Variants in C2orf66 observed in about 807,000 individuals in gnomAD.
The protein encoded by C2orf66 is uncharacterized protein C2orf66.
A neutral mutation model predicts 7.0 loss-of-function variants in C2orf66; 6 were observed. The observed-to-expected ratio is 0.86, with a 90% CI of 0.47 to 1.69. The LOEUF (loss-of-function observed/expected upper bound fraction) is 1.69, where lower values mean the gene tolerates loss of function less well. Among genes scored for constraint, C2orf66 ranks in the 40% most tolerant of loss-of-function variants. The pLI, the probability that C2orf66 is intolerant of heterozygous loss-of-function variation, is 0.01. For synonymous variants in C2orf66, 38 were observed against 43.8 expected, an observed-to-expected ratio of 0.87 and a Z score of 0.52; for missense variants, 107 against 112.0, an observed-to-expected ratio of 0.96 and a Z score of 0.20.
chr2:196,807,540 T>C lies in C2orf66; in HGVS notation c.206A>G (p.Asn69Ser), dbSNP rs1699831331. ...TGACTGGAAAGAGAGAGGTCTAGGA[T>C]TTTCATTCGTGGGGAAAGGATTTGG... ...TFPNPFPTNENPRPLSFQSEL... is the reference protein window; with the variant it reads ...TFPNPFPTNESPRPLSFQSEL... Residue 69 changes from asparagine to serine, a missense_variant, in exon 2 of 3, where the codon AAT becomes AGT. By Grantham distance (46) the Asn-to-Ser change is conservative. Coordinates refer to ENST00000342506, the MANE Select transcript of C2orf66 (RefSeq NM_213608.3). 1 of 1,613,622 alleles carries C rather than the reference T, an allele frequency of 6.2e-7. No individual in the cohort carries two copies. The highest frequency in any genetic ancestry group is 8.5e-7 in the Non-Finnish European group (1 of 1,179,818).
At chr2:196,812,337 G>T (rs1483654246), upstream of C2orf66, among the ~76,000 whole-genome samples, 1 of 152,100 alleles carries the variant, frequency 6.6e-6, no homozygotes, top group Non-Finnish European at 1.5e-5. Flanking sequence ...ACCACAACAT[G>T]ATTTGTCTCA....
At chr2:196,829,380 G>A in the C2orf66 span, among the ~76,000 whole-genome samples, 1 of 152,164 alleles carries the variant, frequency 6.6e-6, no homozygotes, top group African/African-American at 2.4e-5. Flanking sequence ...CCTGAGGTCA[G>A]GAGTTTGAGA....
chr2:196,823,487 G>C, the C2orf66 span, among the ~76,000 whole-genome samples: 2 of 151,826 alleles, frequency 1.3e-5, no homozygotes, highest in African/African-American at 2.4e-5. Flanking sequence ...AGCCAGGTGT[G>C]GGGGTGCATG....
upstream of C2orf66, chr2:196,810,013 A>G (rs1445023795): frequency 6.6e-6 from 1 of 152,248 alleles, no homozygotes. Flanking sequence ...AGTGGAAGTC[A>G]CTGACTTGAG....
intron 2 of C2orf66, among the ~76,000 whole-genome samples, chr2:196,805,972 G>C (rs1699815914): frequency 6.6e-6 from 1 of 152,066 alleles, no homozygotes; most frequent in African/African-American, 2.4e-5. Context: ...GTTCTTTTTA[G>C]AGTAGCAATC....
chr2:196,808,232 T>C (rs1414598662), intron 1 of C2orf66, among the ~76,000 whole-genome samples: 1 of 152,232 alleles, frequency 6.6e-6, no homozygotes, highest in Non-Finnish European at 1.5e-5. Context: ...CACCTAGGGC[T>C]GACAACATAT....
chr2:196,819,739 T>C, the C2orf66 span, among the ~76,000 whole-genome samples: 3 of 152,216 alleles, frequency 2.0e-5, no homozygotes, highest in Middle Eastern at 3.2e-3. Flanking sequence ...TCACAAATGT[T>C]TATGGAATTA....
the C2orf66 span, among the ~76,000 whole-genome samples, chr2:196,829,498 A>G: frequency 3.3e-5 from 5 of 151,974 alleles, no homozygotes; most frequent in Middle Eastern, 3.4e-3. Flanking sequence ...CTGAGGCAGG[A>G]GAATCACTTG....
In C2orf66 at chr2:196,809,347, A is replaced by C. The variant is rs1435432826; in HGVS notation, c.-11T>G. ...AGGTGCTCTGGTCATGGTGGAGTGAAGCTGAGTGAAAGAGGGGATGCGGGA... is the reference window on the plus strand; with the variant it reads ...AGGTGCTCTGGTCATGGTGGAGTGACGCTGAGTGAAAGAGGGGATGCGGGA... On this transcript the variant is annotated 5_prime_UTR_variant, in exon 1 of 3. Transcript: ENST00000342506. 6.2e-7 allele frequency: 1 copy of C among 1,613,630 alleles called. No individual in the cohort carries two copies. The highest frequency in any genetic ancestry group is 8.5e-7 in the Non-Finnish European group (1 of 1,179,674).
the C2orf66 span, among the ~76,000 whole-genome samples, chr2:196,827,910 A>AAT: frequency 6.6e-6 from 1 of 152,218 alleles, no homozygotes; most frequent in African/African-American, 2.4e-5. Context: ...TCATTTACAC[A>AAT]ATATACTGTG....
At chr2:196,806,412 C>T (rs368822293) in intron 2 of C2orf66, among the ~76,000 whole-genome samples, 73 of 151,818 alleles carry the variant, frequency 4.8e-4, no homozygotes, top group Middle Eastern at 3.4e-3. Context: ...TTAGCCAGGA[C>T]GGTCTCGATT....
chr2:196,827,009 C>A, the C2orf66 span, among the ~76,000 whole-genome samples: 1 of 151,614 alleles, frequency 6.6e-6, no homozygotes, highest in East Asian at 1.9e-4. Context: ...CTAGCCTTGA[C>A]GACAGAGGGA....
At chr2:196,820,291 G>A in the C2orf66 span, among the ~76,000 whole-genome samples, 1 of 152,052 alleles carries the variant, frequency 6.6e-6, no homozygotes, top group Non-Finnish European at 1.5e-5. Flanking sequence ...GAAACTTCGG[G>A]CCCTATTTGG....
In C2orf66 at chr2:196,809,232, G is replaced by T. The variant is rs1026239289; in HGVS notation, c.105C>A (p.Asn35Lys). The T allele has an allele frequency of 6.8e-6, 11 of 1,613,894 alleles. No individual in the cohort carries two copies. The highest frequency in any genetic ancestry group is 1.7e-5 in the Admixed American group (1 of 60,004). ...TTCTTACCAGATCTCTGTTTCTGGG[G>T]TTGTTGAGTGGCTTCCATTTGTCCT... The part of the protein sequence containing the change: ...RNEDKWKPLN[N>K]PRNRDLFFRR... The change falls in exon 1 of 3, where the codon AAC becomes AAA. Residue 35 changes from asparagine to lysine, a missense_variant. Transcript: ENST00000342506.
the C2orf66 span, among the ~76,000 whole-genome samples, chr2:196,830,085 A>C: frequency 6.6e-6 from 1 of 152,126 alleles, no homozygotes; most frequent in Admixed American, 6.5e-5. Context: ...TCTATAATAA[A>C]ATCGGAACCT....
chr2:196,820,447 T>C, the C2orf66 span, among the ~76,000 whole-genome samples: 1 of 152,326 alleles, frequency 6.6e-6, no homozygotes, highest in Non-Finnish European at 1.5e-5. Context: ...TCTGGCTTAC[T>C]ATCAAACTTT....
the C2orf66 span, among the ~76,000 whole-genome samples, chr2:196,816,404 T>G: frequency 2.6e-5 from 4 of 152,198 alleles, no homozygotes; most frequent in Non-Finnish European, 5.9e-5. Flanking sequence ...CTATATTAAG[T>G]GTAAGTATAA....
chr2:196,808,213 T>C (rs1170359852), intron 1 of C2orf66, among the ~76,000 whole-genome samples: 1 of 152,210 alleles, frequency 6.6e-6, no homozygotes, highest in East Asian at 1.9e-4. Context: ...GGCTAATTCA[T>C]AGGTAGTGCA....
the C2orf66 span, among the ~76,000 whole-genome samples, chr2:196,829,845 C>A: frequency 6.6e-6 from 1 of 151,012 alleles, no homozygotes; most frequent in Non-Finnish European, 1.5e-5. Context: ...TTCAGTGAGC[C>A]GAGATCACGC....
Sources: gnomAD v4.1 joint callset for allele counts (sites outside exome capture counted in the v4.1 genomes callset) on GRCh38, gnomAD v4.1.1 for gene constraint, MANE v1.5 for transcripts, NCBI Gene and HGNC (gene_info 2026-07-23, HGNC 2026-07-21) for gene names.